Variants in ITCH observed in about 807,000 individuals in gnomAD.
The protein encoded by ITCH is itchy E3 ubiquitin protein ligase.
Under a neutral mutation model 126.8 loss-of-function variants are expected in ITCH, and 28 were observed. The ratio of observed to expected loss-of-function variants is 0.22; its 90% CI spans 0.16 to 0.30. ITCH has a LOEUF of 0.30. Among genes scored for constraint, ITCH ranks in the 10% least tolerant of loss-of-function variants. The probability of loss-of-function intolerance (pLI) is 1.00; values close to 1 mark genes in which losing one functional copy is unlikely to be tolerated. For missense variants in ITCH, 631 were observed against 1,032.4 expected (o/e 0.61, Z 5.33); for synonymous variants, 342 against 340.0 (o/e 1.01, Z -0.06).
At chr20:34,467,541 A>G (rs1440102295) in intron 14 of ITCH, among the ~76,000 whole-genome samples, 2 of 151,846 alleles carry the variant, frequency 1.3e-5, no homozygotes, top group African/African-American at 2.4e-5. Context: ...AAAAAAAGAA[A>G]AAAAAGATTT....
At chr20:34,445,701 TAA>T (rs1203128172) in intron 11 of ITCH, among the ~76,000 whole-genome samples, 7 of 152,142 alleles carry the variant, frequency 4.6e-5, no homozygotes, top group Non-Finnish European at 1.0e-4. Context: ...AAGCAAAAAA[TAA>T]GTTAGGACAA....
At chr20:34,481,020 A>G in intron 19 of ITCH, 46 bp from the exon 20 acceptor site, 2 of 1,590,994 alleles carry the variant, frequency 1.3e-6, no homozygotes, top group Non-Finnish European at 1.7e-6. Context: ...ATAAATTATG[A>G]TTGAATTGGT....
At chr20:34,442,745 G>A (rs1297529751) in intron 10 of ITCH, among the ~76,000 whole-genome samples, 2 of 151,722 alleles carry the variant, frequency 1.3e-5, no homozygotes, top group Non-Finnish European at 2.9e-5. Context: ...AGGGCGAGGT[G>A]GGAGGATCAC....
intron 6 of ITCH, among the ~76,000 whole-genome samples, chr20:34,424,227 G>GTAA (rs1182536566): frequency 3.3e-5 from 5 of 152,120 alleles, no homozygotes; most frequent in African/African-American, 9.7e-5. Flanking sequence ...TAGTGCATGA[G>GTAA]TAATATACCT....
chr20:34,367,734 G>A (rs926925782), intron 1 of ITCH, among the ~76,000 whole-genome samples: 12 of 152,112 alleles, frequency 7.9e-5, no homozygotes, highest in Non-Finnish European at 1.3e-4. Context: ...TTGTTTTAAA[G>A]GTTAAATAAT....
intron 14 of ITCH, 142 bp from the exon 15 acceptor site, chr20:34,469,906 C>T: frequency 8.2e-6 from 6 of 732,740 alleles, no homozygotes; most frequent in South Asian, 5.9e-5. Context: ...TCTCAAAAAG[C>T]AAAGAATGGT....
intron 6 of ITCH, among the ~76,000 whole-genome samples, chr20:34,414,309 G>A (rs1191418044): frequency 6.6e-6 from 1 of 152,028 alleles, no homozygotes; most frequent in Non-Finnish European, 1.5e-5. Context: ...GCCTCCATGA[G>A]TAATGAGTTG....
chr20:34,498,580 GAGA>G (rs1488166771), intron 23 of ITCH, among the ~76,000 whole-genome samples: 2 of 152,148 alleles, frequency 1.3e-5, no homozygotes, highest in Non-Finnish European at 2.9e-5. Flanking sequence ...TGCATCTATT[GAGA>G]AGATCATATG....
chr20:34,382,363 C>T (rs536563372), intron 2 of ITCH, among the ~76,000 whole-genome samples: 1 of 152,282 alleles, frequency 6.6e-6, no homozygotes, highest in African/African-American at 2.4e-5. Flanking sequence ...AGTGCATATA[C>T]ATATTACTCA....
intron 2 of ITCH, among the ~76,000 whole-genome samples, chr20:34,381,864 TAA>T (rs751332155): frequency 5.4e-4 from 69 of 127,902 alleles, no homozygotes; most frequent in Non-Finnish European, 5.2e-4. Context: ...TCCCTGTCTC[TAA>T]AAAAAAAAAA....
At chr20:34,404,057 A>T (rs2038971654) in intron 3 of ITCH, among the ~76,000 whole-genome samples, 2 of 152,184 alleles carry the variant, frequency 1.3e-5, no homozygotes, top group South Asian at 4.1e-4. Flanking sequence ...ACATGATCAC[A>T]TCTATTCTAG....
At position 34,479,660 on chromosome 20, in the gene ITCH, G is replaced by T; in HGVS notation, c.1689G>T (p.Val563=). The T allele has an allele frequency of 2.5e-6, 4 of 1,614,000 alleles. No individual in the cohort carries two copies. The highest frequency in any genetic ancestry group is 3.4e-6 in the Non-Finnish European group (4 of 1,179,904). ...GGTTCTTTCTTTTGTCACATGAAGT[G>T]TTGAACCCAATGTATTGCCTGTTTG... is the stretch of plus-strand genomic sequence containing the variant. ...REWFFLLSHE[V]LNPMYCLFEY... Residue 563 remains valine (V), a synonymous_variant, in exon 18 of 25, where the codon GTG becomes GTT. Transcript: ENST00000374864.
intron 12 of ITCH, 88 bp downstream of exon 12, chr20:34,449,568 T>C: frequency 5.5e-6 from 5 of 901,594 alleles, no homozygotes; most frequent in Non-Finnish European, 9.2e-6. Context: ...TATTTATGTC[T>C]GATACTGTGC....
At chr20:34,367,340 A>G (rs2037459187) in intron 1 of ITCH, among the ~76,000 whole-genome samples, 1 of 152,164 alleles carries the variant, frequency 6.6e-6, no homozygotes, top group South Asian at 2.1e-4. Context: ...TTAGAGGTGC[A>G]TGCCACCAAG....
At chr20:34,484,387 A>G (rs1260573007) in intron 20 of ITCH, among the ~76,000 whole-genome samples, 1 of 152,212 alleles carries the variant, frequency 6.6e-6, no homozygotes, top group African/African-American at 2.4e-5. Flanking sequence ...TAACACAGTG[A>G]GCTGTCATTA....
intron 4 of ITCH, among the ~76,000 whole-genome samples, chr20:34,411,687 A>G (rs954805154): frequency 7.9e-5 from 12 of 152,204 alleles, no homozygotes; most frequent in African/African-American, 2.2e-4. Context: ...AGAGAGAATG[A>G]GATATAGAGA....
intron 7 of ITCH, among the ~76,000 whole-genome samples, chr20:34,426,793 G>A (rs1253863623): frequency 1.4e-5 from 2 of 139,950 alleles, no homozygotes; most frequent in African/African-American, 5.3e-5. Context: ...TTTGTTTTTT[G>A]AGGTGTTGTC....
intron 4 of ITCH, among the ~76,000 whole-genome samples, chr20:34,409,720 A>G (rs1440066681): frequency 6.6e-6 from 1 of 152,202 alleles, no homozygotes; most frequent in Non-Finnish European, 1.5e-5. Context: ...ATGTGCATAT[A>G]TCTTTGTATG....
chr20:34,384,745 C>T (rs1258355050), intron 2 of ITCH, among the ~76,000 whole-genome samples: 2 of 145,436 alleles, frequency 1.4e-5, no homozygotes, highest in African/African-American at 5.1e-5. Context: ...ACTGCAAGCT[C>T]TGCCTCCCGG....
Sources: gnomAD v4.1 joint callset for allele counts (sites outside exome capture counted in the v4.1 genomes callset) on GRCh38, gnomAD v4.1.1 for gene constraint, MANE v1.5 for transcripts, NCBI Gene and HGNC (gene_info 2026-07-23, HGNC 2026-07-21) for gene names.